The following ICE1 variants were observed in gnomAD, a reference collection of about 807,000 sequenced individuals.
ICE1 encodes the protein little elongation complex subunit 1.
ICE1 carries 64 observed loss-of-function variants against 192.7 expected under a neutral mutation model. The observed-to-expected ratio is 0.33, with a 90% confidence interval of 0.27 to 0.41. ICE1 has a LOEUF of 0.41. Ranked by LOEUF, ICE1 falls within the 10% of genes least tolerant of loss-of-function variation. The probability of loss-of-function intolerance (pLI) is 1.00; values close to 1 mark genes in which losing one functional copy is unlikely to be tolerated. For missense variants in ICE1, 2,708 were observed against 2,696.0 expected (o/e 1.00, Z -0.10); for synonymous variants, 1,010 against 984.5 (o/e 1.03, Z -0.49).
At chr5:5,482,968 A>G (rs1739545694) in intron 17 of ICE1, among the ~76,000 whole-genome samples, 1 of 152,100 alleles carries the variant, frequency 6.6e-6, no homozygotes. Flanking sequence ...TAATCTTCAT[A>G]AAATAAAGGA....
intron 1 of ICE1, among the ~76,000 whole-genome samples, chr5:5,429,260 C>T (rs911895385): frequency 2.0e-5 from 3 of 152,132 alleles, no homozygotes; most frequent in African/African-American, 7.2e-5. Flanking sequence ...TTCCAGACCC[C>T]CACAAGGAAA....
At chr5:5,449,586 A>C (rs1160003667) in intron 10 of ICE1, among the ~76,000 whole-genome samples, 1 of 152,192 alleles carries the variant, frequency 6.6e-6, no homozygotes, top group Admixed American at 6.5e-5. Flanking sequence ...TTGCAGAGAA[A>C]ATAGCAGCTC....
At chr5:5,434,253 A>G (rs1162802865) in intron 1 of ICE1, among the ~76,000 whole-genome samples, 1 of 152,180 alleles carries the variant, frequency 6.6e-6, no homozygotes, top group Non-Finnish European at 1.5e-5. Flanking sequence ...ACTAATTCCA[A>G]CTTTTAAGAC....
Position 5,454,602 on chromosome 5 carries a change from C to A in ICE1, c.655C>A (p.His219Asn). Residue 219 changes from histidine to asparagine, a missense_variant, in exon 11 of 19, where the codon CAC becomes AAC. Physicochemically the swap from His to Asn is moderately conservative, Grantham distance 68. Around this residue, in one of 2 missense-constraint regions of ICE1, gnomAD observed 2,366 missense variants for 2,276.6 expected, o/e 1.04. Coordinates refer to ENST00000296564, the MANE Select transcript of ICE1 (RefSeq NM_015325.3). ...ACTCTGGCTCTGTGTAAACACAACA[C>A]ACAGACTACCTGGTGAAGGCAGCAG... is the stretch of plus-strand genomic sequence containing the variant. ...KELWLCVNTT[H>N]RLPGEGSRCV... is the part of the protein sequence containing the mutation. 1 of 1,613,580 alleles carries A rather than the reference C, an allele frequency of 6.2e-7. No individual in the cohort carries two copies. The highest frequency in any genetic ancestry group is 8.5e-7 in the Non-Finnish European group (1 of 1,179,674).
At chr5:5,465,368 CTA>C (rs1284214397) in intron 13 of ICE1, 142 bp downstream of exon 13, 5 of 606,786 alleles carry the variant, frequency 8.2e-6, no homozygotes, top group Non-Finnish European at 1.4e-5. Context: ...AACATTACGA[CTA>C]TATTTCTAGC....
chr5:5,428,093 C>T (rs1034065721), intron 1 of ICE1, among the ~76,000 whole-genome samples: 1 of 151,912 alleles, frequency 6.6e-6, no homozygotes, highest in Non-Finnish European at 1.5e-5. Context: ...AAGTAGTTGA[C>T]GATAGATGAA....
At chr5:5,428,706 G>A (rs1579534891) in intron 1 of ICE1, among the ~76,000 whole-genome samples, 1 of 152,138 alleles carries the variant, frequency 6.6e-6, no homozygotes, top group East Asian at 1.9e-4. Flanking sequence ...TGCAGCTGTA[G>A]ACCTATTCAG....
chr5:5,473,524 T>C, intron 15 of ICE1, 34 bp from the exon 16 acceptor site: 2 of 1,573,142 alleles, frequency 1.3e-6, no homozygotes, highest in Non-Finnish European at 1.7e-6. Flanking sequence ...TATTTGAAAC[T>C]CCAGATTTTA....
At chr5:5,465,434 A>G (rs906371961) in intron 13 of ICE1, among the ~76,000 whole-genome samples, 1 of 152,198 alleles carries the variant, frequency 6.6e-6, no homozygotes, top group African/African-American at 2.4e-5. Context: ...GGTCATTTCT[A>G]TTCATTAAAT....
Position 5,464,624 on chromosome 5 carries a change from C to T in ICE1, c.5290C>T (p.Arg1764Trp), listed in dbSNP as rs1311363777. The change falls in exon 13 of 19, where the codon CGG becomes TGG. Residue 1764 changes from arginine to tryptophan, a missense_variant. Arg to Trp is a moderately radical substitution (Grantham distance 101). Transcript: ENST00000296564. The surrounding 1 kb of genome is among the most constrained non-coding windows in gnomAD (Gnocchi z 4.0). ...GTATCCAGAGTTATCTGCCAGGGCCCGGACCCTCAACATCCTCAAAGGGAA... is the reference window on the plus strand; with the variant it reads ...GTATCCAGAGTTATCTGCCAGGGCCTGGACCCTCAACATCCTCAAAGGGAA... ...TMYPELSARA[R>W]TLNILKGNIQ... is the part of the protein sequence containing the mutation. 6 of 1,612,636 alleles carry T rather than the reference C, an allele frequency of 3.7e-6. No individual in the cohort carries two copies. Among genetic ancestry groups the T allele is most frequent in the South Asian group, 3.3e-5 (3 of 90,856 alleles).
chr5:5,458,267 G>A (rs1738645894), intron 12 of ICE1, among the ~76,000 whole-genome samples: 3 of 152,148 alleles, frequency 2.0e-5, no homozygotes, highest in Non-Finnish European at 4.4e-5. Flanking sequence ...TATGTGTTTT[G>A]CTCCTGGAAT....
chr5:5,470,261 T>C (rs555856217), intron 15 of ICE1, among the ~76,000 whole-genome samples: 1 of 152,260 alleles, frequency 6.6e-6, no homozygotes, highest in Non-Finnish European at 1.5e-5. Context: ...AGAGTTACTG[T>C]GTCTGGAGAG....
chr5:5,469,427 C>T (rs1228732473), intron 15 of ICE1, among the ~76,000 whole-genome samples: 2 of 151,730 alleles, frequency 1.3e-5, no homozygotes, highest in Non-Finnish European at 2.9e-5. Flanking sequence ...CTAGTTTGTT[C>T]CCGTGTTATC....
At chr5:5,435,673 G>GTTTTTTT (rs371635237) in intron 1 of ICE1, among the ~76,000 whole-genome samples, 1 of 59,302 alleles carries the variant, frequency 1.7e-5, no homozygotes, top group African/African-American at 6.3e-5. Flanking sequence ...TTTTTTTTTT[G>GTTTTTTT]TTTTGTTTTT....
chr5:5,451,540 A>G (rs1246695287), intron 10 of ICE1, among the ~76,000 whole-genome samples: 1 of 152,170 alleles, frequency 6.6e-6, no homozygotes, highest in Non-Finnish European at 1.5e-5. Flanking sequence ...GTAAAACTAC[A>G]GTCAAGAAAT....
intron 8 of ICE1, 54 bp from the exon 9 acceptor site, chr5:5,447,667 G>T: frequency 6.7e-7 from 1 of 1,500,382 alleles, no homozygotes; most frequent in South Asian, 1.2e-5. Context: ...ATTTGGTCTA[G>T]AATGGCTGCA....
In ICE1 at chr5:5,465,000, G is replaced by T. The variant is rs1738940546; in HGVS notation, c.5666G>T (p.Cys1889Phe). The part of the protein sequence containing the change: ...EVATTNEERS[C>F]SSPAVSAVSQ... ...GCAACAACAAATGAGGAAAGAAGTT[G>T]TTCTAGTCCAGCCGTCAGTGCAGTT... is the stretch of plus-strand genomic sequence containing the variant. Residue 1889 changes from cysteine to phenylalanine, a missense_variant, in exon 13 of 19, where the codon TGT becomes TTT. Cys to Phe is a radical substitution (Grantham distance 205). Around this residue, in one of 2 missense-constraint regions of ICE1, gnomAD observed 2,366 missense variants for 2,276.6 expected, o/e 1.04. Transcript: ENST00000296564. This position sits in a 1 kb window ranked among gnomAD's most constrained non-coding sequence, Gnocchi z 4.0. 1.2e-6 allele frequency: 2 copies of T among 1,613,812 alleles called. No individual in the cohort carries two copies. Among genetic ancestry groups the T allele is most frequent in the African/African-American group, 2.7e-5 (2 of 74,922 alleles).
intron 15 of ICE1, among the ~76,000 whole-genome samples, chr5:5,471,365 T>C (rs914326665): frequency 6.6e-6 from 1 of 152,148 alleles, no homozygotes; most frequent in African/African-American, 2.4e-5. Flanking sequence ...AAGACATGTG[T>C]AGATTCCACC....
intron 10 of ICE1, among the ~76,000 whole-genome samples, chr5:5,452,298 G>C (rs1738446936): frequency 6.6e-6 from 1 of 151,066 alleles, no homozygotes; most frequent in African/African-American, 2.4e-5. Flanking sequence ...CTAATGTAGA[G>C]AATTTAAAAG....
Sources: allele counts gnomAD v4.1 joint callset (sites outside exome capture counted in the v4.1 genomes callset), GRCh38; gene constraint gnomAD v4.1.1; regional missense constraint gnomAD v4.1.1; non-coding constraint Gnocchi (gnomAD v3.1); transcripts MANE v1.5; gene names NCBI Gene and HGNC (gene_info 2026-07-23, HGNC 2026-07-21).